Variants in ARPP21 observed in about 807,000 individuals in gnomAD.
The protein encoded by ARPP21 is cAMP regulated phosphoprotein 21, also known as cAMP-regulated phosphoprotein 21.
A neutral mutation model predicts 113.2 loss-of-function variants in ARPP21; 69 were observed. The observed-to-expected ratio is 0.61, with a 90% CI of 0.50 to 0.74. The LOEUF (loss-of-function observed/expected upper bound fraction) is 0.74. ARPP21 is among the 30% of genes least tolerant of loss of function. The pLI is 0.00. For missense variants in ARPP21, 1,070 were observed against 1,037.4 expected (o/e 1.03, Z -0.43); for synonymous variants, 368 against 375.5 (o/e 0.98, Z 0.23).
chr3:35,665,678 T>C (rs958897568), intron 1 of ARPP21, among the ~76,000 whole-genome samples: 5 of 152,202 alleles, frequency 3.3e-5, no homozygotes, highest in African/African-American at 1.2e-4. Flanking sequence ...ATATTGCATT[T>C]GTTCATGAAA....
At chr3:35,667,913 G>GAAGAGGAA (rs1252841641) in intron 1 of ARPP21, among the ~76,000 whole-genome samples, 1 of 46,842 alleles carries the variant, frequency 2.1e-5, no homozygotes, top group Non-Finnish European at 4.2e-5. Flanking sequence ...GGAAGAGGAA[G>GAAGAGGAA]GAGGAGGAGG....
At chr3:35,762,723 G>A (rs1045362031) in intron 19 of ARPP21, among the ~76,000 whole-genome samples, 1 of 152,012 alleles carries the variant, frequency 6.6e-6, no homozygotes, top group Admixed American at 6.6e-5. Flanking sequence ...CAAAAAGGAG[G>A]GTTCTAAGAC....
At chr3:35,707,613 T>A (rs1411853909) in intron 10 of ARPP21, 1 of 446,310 alleles carries the variant, frequency 2.2e-6, no homozygotes, top group Non-Finnish European at 4.6e-6. Flanking sequence ...CATGTTTTAG[T>A]CTTTTATCCC....
chr3:35,755,494 A>G (rs1274795590), intron 19 of ARPP21, among the ~76,000 whole-genome samples: 1 of 151,960 alleles, frequency 6.6e-6, no homozygotes, highest in Non-Finnish European at 1.5e-5. Context: ...TTTTCTCTTC[A>G]TCAGTTCTTT....
chr3:35,768,033 G>T (rs570123777), intron 19 of ARPP21, among the ~76,000 whole-genome samples: 2 of 149,778 alleles, frequency 1.3e-5, no homozygotes, highest in South Asian at 2.1e-4. Flanking sequence ...CCCAATAAAC[G>T]CATCCAGCTC....
At chr3:35,790,005 C>T (rs183344237) in intron 19 of ARPP21, among the ~76,000 whole-genome samples, 69 of 152,272 alleles carry the variant, frequency 4.5e-4, no homozygotes, top group Non-Finnish European at 2.8e-4. Flanking sequence ...AATCTTCAGA[C>T]GCTAAGCAAC....
intron 1 of ARPP21, among the ~76,000 whole-genome samples, chr3:35,642,726 G>A (rs187753345): frequency 1.1e-4 from 17 of 152,196 alleles, no homozygotes; most frequent in East Asian, 3.9e-4. Flanking sequence ...AACGTTCTGC[G>A]AATAAAATAA....
intron 1 of ARPP21, chr3:35,640,875 T>C (rs1229270376): frequency 6.6e-6 from 1 of 152,232 alleles, no homozygotes; most frequent in African/African-American, 2.4e-5. Context: ...TTTACTCTTT[T>C]CTGTCTCAGG....
At chr3:35,719,663 A>G (rs935771179) in intron 13 of ARPP21, among the ~76,000 whole-genome samples, 2 of 152,158 alleles carry the variant, frequency 1.3e-5, no homozygotes, top group African/African-American at 4.8e-5. Flanking sequence ...GAGATTATTG[A>G]AGCAGAATTA....
At chr3:35,690,359 G>T (rs536782261) in intron 8 of ARPP21, among the ~76,000 whole-genome samples, 1 of 151,520 alleles carries the variant, frequency 6.6e-6, no homozygotes, top group Admixed American at 6.6e-5. Context: ...TGACAAAATG[G>T]CTATAAACAG....
intron 19 of ARPP21, among the ~76,000 whole-genome samples, chr3:35,756,711 G>T (rs1559867305): frequency 6.6e-6 from 1 of 152,010 alleles, no homozygotes; most frequent in Non-Finnish European, 1.5e-5. Flanking sequence ...TTGTTTTGTT[G>T]TTGTTGTTGT....
intron 19 of ARPP21, among the ~76,000 whole-genome samples, chr3:35,783,857 T>C (rs1364665237): frequency 6.6e-6 from 1 of 152,192 alleles, no homozygotes; most frequent in African/African-American, 2.4e-5. Context: ...TTTTTTTGTA[T>C]CTTTGCCCTT....
At chr3:35,742,586 A>G (rs969309989) in intron 18 of ARPP21, among the ~76,000 whole-genome samples, 2 of 152,340 alleles carry the variant, frequency 1.3e-5, no homozygotes, top group Non-Finnish European at 1.5e-5. Context: ...TCATGATTCC[A>G]TGAAATTGCA....
intron 19 of ARPP21, among the ~76,000 whole-genome samples, chr3:35,780,044 T>A (rs752510482): frequency 2.6e-5 from 4 of 152,230 alleles, no homozygotes; most frequent in Admixed American, 2.6e-4. Context: ...ATTGTGATAA[T>A]GATAAATCAT....
chr3:35,639,268 T>C (rs1187316909), upstream of ARPP21, among the ~76,000 whole-genome samples: 1 of 152,010 alleles, frequency 6.6e-6, no homozygotes, highest in Non-Finnish European at 1.5e-5. This position sits in a 1 kb window ranked among gnomAD's most constrained non-coding sequence, Gnocchi z 5.0. Context: ...GCCATCACTC[T>C]GGATGGGCCA....
At chr3:35,749,827 T>C (rs973321449) in intron 19 of ARPP21, among the ~76,000 whole-genome samples, 1 of 152,162 alleles carries the variant, frequency 6.6e-6, no homozygotes, top group African/African-American at 2.4e-5. Flanking sequence ...TTCTTCCAAG[T>C]GGCTGAATTT....
intron 19 of ARPP21, among the ~76,000 whole-genome samples, chr3:35,776,028 C>T (rs1162925781): frequency 6.6e-6 from 1 of 152,076 alleles, no homozygotes; most frequent in Non-Finnish European, 1.5e-5. Flanking sequence ...TTTACTATTT[C>T]TTCAGTCCCT....
At chr3:35,788,302 T>A (rs2096673174) in intron 19 of ARPP21, among the ~76,000 whole-genome samples, 3 of 152,214 alleles carry the variant, frequency 2.0e-5, no homozygotes, top group South Asian at 2.1e-4. Context: ...TGATTCAGAA[T>A]CAGGGCTCTT....
intron 14 of ARPP21, among the ~76,000 whole-genome samples, chr3:35,727,363 A>C (rs2093614562): frequency 6.6e-6 from 1 of 152,138 alleles, no homozygotes. Flanking sequence ...ACTTCCTTTT[A>C]CTTCAGTTTT....
Sources: gnomAD v4.1 joint callset for allele counts (sites outside exome capture counted in the v4.1 genomes callset) on GRCh38, gnomAD v4.1.1 for gene constraint, Gnocchi (gnomAD v3.1) non-coding constraint, MANE v1.5 for transcripts, NCBI Gene and HGNC (gene_info 2026-07-23, HGNC 2026-07-21) for gene names.